Variants in LSP1 observed in about 807,000 individuals in gnomAD.
The protein encoded by LSP1 is lymphocyte-specific protein 1.
Under a neutral mutation model 49.3 loss-of-function variants are expected in LSP1, and 32 were observed. That is an observed-to-expected ratio of 0.65 (90% CI 0.49 to 0.87). The LOEUF (loss-of-function observed/expected upper bound fraction) is 0.87, where lower values mean the gene tolerates loss of function less well. Among genes scored for constraint, LSP1 ranks in the 40% least tolerant of loss-of-function variants. The pLI, the probability that LSP1 is intolerant of heterozygous loss-of-function variation, is 0.00. For synonymous variants in LSP1, 179 were observed against 178.8 expected (o/e 1.00, Z -0.01); for missense variants, 428 against 442.6 (o/e 0.97, Z 0.30).
At chr11:1,867,607 G>A (rs544256438) in intron 1 of LSP1, among the ~76,000 whole-genome samples, 8 of 152,172 alleles carry the variant, frequency 5.3e-5, no homozygotes, top group African/African-American at 1.4e-4. Flanking sequence ...TCCTCCACCC[G>A]CATCACCCCA....
rs1438862309 is a variant in LSP1 at position 1,881,261 on chromosome 11, T to C, written c.192-171T>C. On this transcript the variant is annotated intron_variant, in intron 2 of 10. Coordinates refer to ENST00000311604, the MANE Select transcript of LSP1 (RefSeq NM_002339.3). Reference sequence around the variant, plus strand: ...AGAACTGACGGGGGAGGCATAGCCCTGCCCTCAGGTATTCTGACCACAGGA... The same window carrying C: ...AGAACTGACGGGGGAGGCATAGCCCCGCCCTCAGGTATTCTGACCACAGGA... The C allele has an allele frequency of 6.5e-6, 4 of 615,946 alleles. No homozygotes were observed. The East Asian group carries it at 1.3e-4, about 20-fold the overall frequency. The allele number at this position is 615,946 out of a possible 1,614,324, so 38.2% of individuals were successfully genotyped here. A position where few individuals can be genotyped will look rare whatever the true frequency, so the allele number is the denominator to read the frequency against.
intron 1 of LSP1, chr11:1,870,030 C>A: frequency 2.5e-6 from 1 of 402,998 alleles, no homozygotes; most frequent in African/African-American, 2.1e-5. Context: ...CTCCGAGCCT[C>A]CGTTTGTGCA....
intron 1 of LSP1, among the ~76,000 whole-genome samples, chr11:1,877,292 T>C (rs182687100): frequency 0.012 from 1,755 of 151,424 alleles, 40 homozygotes; most frequent in African/African-American, 0.039. Context: ...TATCCTGGGG[T>C]AGGGGAAAGG....
intron 1 of LSP1, among the ~76,000 whole-genome samples, chr11:1,861,665 GGATA>G (rs1330176219): frequency 6.6e-6 from 1 of 151,754 alleles, no homozygotes; most frequent in Non-Finnish European, 1.5e-5. Flanking sequence ...ATGGATGGAT[GGATA>G]GATGGGTGGA....
At chr11:1,887,404 C>G in intron 9 of LSP1, 70 bp from the exon 10 acceptor site, 1 of 1,582,098 alleles carries the variant, frequency 6.3e-7, no homozygotes, top group East Asian at 2.2e-5. Context: ...GGAGGGCTTC[C>G]CAGAGGCGGA....
intron 10 of LSP1, chr11:1,889,273 G>A (rs944615857): frequency 1.9e-5 from 13 of 684,450 alleles, no homozygotes; most frequent in Admixed American, 1.3e-4. Context: ...AAGCGAGGCC[G>A]GTACAGGAAG....
At chr11:1,872,464 C>CG (rs200041345) in intron 1 of LSP1, among the ~76,000 whole-genome samples, 5 of 65,702 alleles carry the variant, frequency 7.6e-5, no homozygotes, top group East Asian at 4.9e-4. Flanking sequence ...GGGGTCTGTC[C>CG]GCTGGCGTGG....
At chr11:1,865,444 G>A (rs986751750) in intron 1 of LSP1, among the ~76,000 whole-genome samples, 1 of 143,224 alleles carries the variant, frequency 7.0e-6, no homozygotes, top group Non-Finnish European at 1.6e-5. Flanking sequence ...GGCTGCTTGA[G>A]GCCTCTCTTC....
At chr11:1,875,269 A>G (rs1848259703) in intron 1 of LSP1, among the ~76,000 whole-genome samples, 1 of 152,164 alleles carries the variant, frequency 6.6e-6, no homozygotes. Flanking sequence ...GCCGATGTCC[A>G]AGTCCAGGCG....
intron 1 of LSP1, chr11:1,869,317 A>G (rs1285284776): frequency 3.3e-6 from 1 of 306,286 alleles, no homozygotes; most frequent in Non-Finnish European, 6.5e-6. Context: ...CTTGACGAGA[A>G]CAAACCCTAC....
At chr11:1,883,309 C>A in intron 3 of LSP1, 110 bp from the exon 4 acceptor site, 1 of 1,386,922 alleles carries the variant, frequency 7.2e-7, no homozygotes, top group Non-Finnish European at 1.0e-6. Context: ...ACTCAAGTAG[C>A]CTGACTACCT....
At chr11:1,889,373 C>G (rs1725651485) in intron 10 of LSP1, 4 of 707,716 alleles carry the variant, frequency 5.7e-6, no homozygotes, top group Middle Eastern at 2.3e-4. Context: ...TGCGGTACAG[C>G]ACGGCATCCC....
intron 1 of LSP1, chr11:1,870,197 T>C: frequency 9.1e-7 from 1 of 1,096,706 alleles, no homozygotes; most frequent in South Asian, 1.3e-5. Context: ...CATGAGGACA[T>C]CCCAAGGCCA....
rs138753200 is a variant in LSP1 at position 1,884,569 on chromosome 11, C to T, written c.705C>T (p.Thr235=). The T allele has an allele frequency of 3.5e-4, 570 of 1,613,854 alleles. 1 individual carries two copies. In the African/African-American group the frequency reaches 6.9e-3, roughly 19 times the overall value. The change falls in exon 7 of 11, where the codon ACC becomes ACT. Residue 235 remains threonine, a synonymous_variant. Coordinates refer to ENST00000311604, the MANE Select transcript of LSP1 (RefSeq NM_002339.3). The surrounding 1 kb of genome is among the most constrained non-coding windows in gnomAD (Gnocchi z 4.1). ...TTGATCAGTGGCTGGAACAATACACCCAGGCCATCGAGGTATGACCTGGCT... is the reference window on the plus strand; with the variant it reads ...TTGATCAGTGGCTGGAACAATACACTCAGGCCATCGAGGTATGACCTGGCT... ...SKIDQWLEQY[T]QAIETAGRTP...
intron 10 of LSP1, among the ~76,000 whole-genome samples, chr11:1,888,051 A>G (rs1320189986): frequency 6.6e-6 from 1 of 151,976 alleles, no homozygotes; most frequent in Non-Finnish European, 1.5e-5. Flanking sequence ...TCCCCATCCC[A>G]TGCTGCAGAC....
chr11:1,890,193 G>A (rs1311388576), intron 10 of LSP1: 4 of 716,890 alleles, frequency 5.6e-6, no homozygotes, highest in African/African-American at 1.7e-5. Context: ...GATGGAGAAC[G>A]TGGACTTCTG....
intron 1 of LSP1, among the ~76,000 whole-genome samples, chr11:1,855,364 C>T (rs4980395): frequency 0.13 from 20,164 of 152,200 alleles, 1,701 homozygotes; most frequent in South Asian, 0.29. Context: ...GACAGCCCCC[C>T]GTGCATGTCA....
intron 1 of LSP1, chr11:1,876,577 G>A (rs1848318944): frequency 3.0e-6 from 3 of 985,508 alleles, no homozygotes; most frequent in Middle Eastern, 5.2e-4. Flanking sequence ...GCTGCCTGCA[G>A]GGGGCAGAGT....
chr11:1,856,469 G>A (rs1180732253), intron 1 of LSP1, among the ~76,000 whole-genome samples: 5 of 152,250 alleles, frequency 3.3e-5, no homozygotes. Flanking sequence ...CGCGGTGGGA[G>A]GCCGCTGCCC....
Sources: allele counts gnomAD v4.1 joint callset (sites outside exome capture counted in the v4.1 genomes callset), GRCh38; gene constraint gnomAD v4.1.1; non-coding constraint Gnocchi (gnomAD v3.1); transcripts MANE v1.5; gene names NCBI Gene and HGNC (gene_info 2026-07-23, HGNC 2026-07-21).